MYT1L: variants seen among roughly 807,000 people sequenced by gnomAD.
The protein encoded by MYT1L is myelin transcription factor 1-like protein.
MYT1L carries 12 observed loss-of-function variants against 126.7 expected under a neutral mutation model. The observed-to-expected ratio is 0.09, with a 90% CI of 0.06 to 0.15. The LOEUF is 0.15. Ranked by LOEUF, MYT1L falls within the 10% of genes least tolerant of loss-of-function variation. The probability of loss-of-function intolerance (pLI) is 1.00; values close to 1 mark genes in which losing one functional copy is unlikely to be tolerated. For synonymous variants in MYT1L, 541 were observed against 604.2 expected (o/e 0.90, Z 1.53); for missense variants, 979 against 1,585.2 (o/e 0.62, Z 6.49).
chr2:2,298,679 A>G (rs1237335462), intron 1 of MYT1L, among the ~76,000 whole-genome samples: 1 of 152,162 alleles, frequency 6.6e-6, no homozygotes, highest in African/African-American at 2.4e-5. Context: ...AGCTTCCACA[A>G]GTCCCTGTGC....
chr2:1,862,106 T>G (rs1351588430), intron 18 of MYT1L, among the ~76,000 whole-genome samples: 1 of 152,230 alleles, frequency 6.6e-6, no homozygotes, highest in East Asian at 1.9e-4. Flanking sequence ...ATTTTAAAAC[T>G]TTTTTGGGGT....
chr2:2,254,424 T>C (rs577309927), intron 2 of MYT1L, among the ~76,000 whole-genome samples: 15 of 152,194 alleles, frequency 9.9e-5, no homozygotes, highest in Middle Eastern at 3.4e-3. Flanking sequence ...CAGGAGACTG[T>C]GATGGGACAT....
At chr2:2,058,914 C>T (rs1391617588) in intron 3 of MYT1L, among the ~76,000 whole-genome samples, 8 of 152,032 alleles carry the variant, frequency 5.3e-5, no homozygotes, top group Non-Finnish European at 1.0e-4. Context: ...TATTTAGAAG[C>T]GATTGAGGAT....
intron 2 of MYT1L, among the ~76,000 whole-genome samples, chr2:2,195,946 C>A (rs1419193830): frequency 6.6e-6 from 1 of 151,678 alleles, no homozygotes. Flanking sequence ...AACAGGAGTC[C>A]CATAAGGAGA....
intron 18 of MYT1L, among the ~76,000 whole-genome samples, chr2:1,878,005 GTA>G (rs1179686501): frequency 6.6e-6 from 1 of 152,244 alleles, no homozygotes; most frequent in Non-Finnish European, 1.5e-5. Flanking sequence ...TATTAGCCAT[GTA>G]TGTGTTAATT....
chr2:1,977,028 A>C (rs950711338), intron 8 of MYT1L, among the ~76,000 whole-genome samples: 2 of 152,228 alleles, frequency 1.3e-5, no homozygotes, highest in African/African-American at 4.8e-5. Context: ...TTTTTCAACT[A>C]TACCACATTA....
At chr2:2,197,309 G>T (rs1336673618) in intron 2 of MYT1L, among the ~76,000 whole-genome samples, 1 of 152,108 alleles carries the variant, frequency 6.6e-6, no homozygotes, top group Non-Finnish European at 1.5e-5. Flanking sequence ...AATGAGGTGG[G>T]TTTCCTTGAT....
At position 2,181,495 on chromosome 2, in the gene MYT1L, C is replaced by A. The variant is rs532007211; in HGVS notation, c.-420-8507G>T. ...CGCTCTTAAAATATATAGAAATTACCGTCTGTCAGAGGCTGTGGATGCAGA... is the reference window on the plus strand; with the variant it reads ...CGCTCTTAAAATATATAGAAATTACAGTCTGTCAGAGGCTGTGGATGCAGA... On this transcript the variant is annotated intron_variant, in intron 2 of 24. Transcript: ENST00000647738. 1.1e-3 allele frequency among the ~76,000 whole-genome samples: 162 copies of A among 152,046 alleles called. 1 individual carries two copies. The highest frequency in any genetic ancestry group is 1.7e-3 in the Non-Finnish European group (117 of 67,982).
chr2:2,065,676 A>G (rs1459401656), intron 3 of MYT1L, among the ~76,000 whole-genome samples: 1 of 152,208 alleles, frequency 6.6e-6, no homozygotes, highest in Admixed American at 6.5e-5. Flanking sequence ...TCAGAACAGC[A>G]GTGTCTCCAT....
In MYT1L at chr2:1,922,070, T is replaced by C. The variant is rs1305375787; in HGVS notation, c.1483+216A>G. 1.3e-5 allele frequency among the ~76,000 whole-genome samples: 2 copies of C among 152,220 alleles called. No homozygotes were observed. The highest frequency in any genetic ancestry group is 6.5e-5 in the Admixed American group (1 of 15,284). ...ATATCCTACTATTCATCTGCTCTAG[T>C]AATATGATGTTAAGCTGCTTTATGT... On this transcript the variant is annotated intron_variant, in intron 10 of 24. Transcript: ENST00000647738. The surrounding 1 kb of genome is among the most constrained non-coding windows in gnomAD (Gnocchi z 7.4).
At chr2:2,215,091 A>G (rs1374134383) in intron 2 of MYT1L, among the ~76,000 whole-genome samples, 1 of 152,198 alleles carries the variant, frequency 6.6e-6, no homozygotes, top group Non-Finnish European at 1.5e-5. Context: ...TAATAAACCT[A>G]TGAAAGAAAT....
chr2:2,330,859 T>C (rs1280056724), intron 1 of MYT1L, 108 bp downstream of exon 1: 1 of 152,172 alleles, frequency 6.6e-6, no homozygotes, highest in Non-Finnish European at 1.5e-5. Context: ...TAAAAATAAC[T>C]TTAAAAAGGA....
At chr2:2,032,168 G>A (rs1451516731) in intron 4 of MYT1L, among the ~76,000 whole-genome samples, 1 of 96,086 alleles carries the variant, frequency 1.0e-5, no homozygotes, top group Non-Finnish European at 2.0e-5. Context: ...CACACCCGTT[G>A]CCAGTGCCTC....
At chr2:2,055,092 A>T (rs1175208281) in intron 3 of MYT1L, among the ~76,000 whole-genome samples, 1 of 152,248 alleles carries the variant, frequency 6.6e-6, no homozygotes, top group East Asian at 1.9e-4. Flanking sequence ...AATTAATGAA[A>T]TTACTCTTTG....
chr2:2,111,355 C>G (rs888968653), intron 3 of MYT1L, among the ~76,000 whole-genome samples: 4 of 152,204 alleles, frequency 2.6e-5, no homozygotes, highest in Non-Finnish European at 4.4e-5. Flanking sequence ...CATCCTCCCC[C>G]CGACGGCACT....
intron 2 of MYT1L, among the ~76,000 whole-genome samples, chr2:2,235,487 C>A (rs766551001): frequency 1.3e-5 from 2 of 152,254 alleles, no homozygotes; most frequent in Admixed American, 1.3e-4. Flanking sequence ...TAGTGGGGTC[C>A]CTGTTAGCTG....
chr2:1,959,489 T>G (rs186938124), intron 8 of MYT1L, among the ~76,000 whole-genome samples: 2 of 152,326 alleles, frequency 1.3e-5, no homozygotes, highest in Admixed American at 1.3e-4. Flanking sequence ...TTGGCTGGCA[T>G]GGATTTGTGG....
Position 2,188,688 on chromosome 2 carries a change from T to G in MYT1L, c.-420-15700A>C, listed in dbSNP as rs1028151104. On this transcript the variant is annotated intron_variant, in intron 2 of 24. Coordinates refer to ENST00000647738, the MANE Select transcript of MYT1L (RefSeq NM_001303052.2). ...TTTTTTGCCCAGGCTTTAGACTTCCTGGGGATCTGTCTCGGGCAGATGCTC... is the reference window on the plus strand; with the variant it reads ...TTTTTTGCCCAGGCTTTAGACTTCCGGGGGATCTGTCTCGGGCAGATGCTC... Among the ~76,000 whole-genome samples the G allele has an allele frequency of 2.0e-5, 3 of 152,254 alleles. No individual in the cohort carries two copies. In the East Asian group the frequency reaches 5.8e-4, roughly 29 times the overall value.
chr2:2,219,604 C>T (rs2093795024), intron 2 of MYT1L, among the ~76,000 whole-genome samples: 1 of 152,190 alleles, frequency 6.6e-6, no homozygotes. Flanking sequence ...GTTCCTCTTC[C>T]TTATTTGAAG....
Sources: gnomAD v4.1 joint callset for allele counts (sites outside exome capture counted in the v4.1 genomes callset) on GRCh38, gnomAD v4.1.1 for gene constraint, Gnocchi (gnomAD v3.1) non-coding constraint, MANE v1.5 for transcripts, NCBI Gene and HGNC (gene_info 2026-07-23, HGNC 2026-07-21) for gene names.